The following NCOR2 variants were observed in gnomAD, a reference collection of about 807,000 sequenced individuals.
NCOR2 encodes the protein CTG repeat protein 26.
In NCOR2, 81 loss-of-function variants were observed where a neutral mutation model predicts 262.9. The ratio of observed to expected loss-of-function variants is 0.31; its 90% CI spans 0.26 to 0.37. The LOEUF (loss-of-function observed/expected upper bound fraction) is 0.37, where lower values mean the gene tolerates loss of function less well. Among genes scored for constraint, NCOR2 ranks in the 10% least tolerant of loss-of-function variants. The pLI is 1.00. For missense variants in NCOR2, 3,385 were observed against 3,621.4 expected, an observed-to-expected ratio of 0.93 and a Z score of 1.68; for synonymous variants, 1,659 against 1,559.3, an observed-to-expected ratio of 1.06 and a Z score of -1.51.
intron 1 of NCOR2, among the ~76,000 whole-genome samples, chr12:124,557,251 C>T (rs1166816075): frequency 2.6e-5 from 4 of 152,242 alleles, no homozygotes; most frequent in African/African-American, 9.6e-5. Flanking sequence ...GTAAACAAAG[C>T]TCCACACGCC....
chr12:124,398,067 A>G, intron 16 of NCOR2, 52 bp downstream of exon 18: 1 of 1,604,696 alleles, frequency 6.2e-7, no homozygotes, highest in Non-Finnish European at 8.5e-7. Flanking sequence ...CGTGAGCTTC[A>G]GGCGCCCTGG....
chr12:124,339,876 T>C, intron 37 of NCOR2, 130 bp downstream of exon 39: 1 of 1,108,426 alleles, frequency 9.0e-7, no homozygotes, highest in South Asian at 1.5e-5. Context: ...AGTCTATTCT[T>C]CTACCCCCAC....
intron 1 of NCOR2, among the ~76,000 whole-genome samples, chr12:124,544,891 C>T (rs568740371): frequency 1.3e-5 from 2 of 152,242 alleles, no homozygotes; most frequent in South Asian, 4.2e-4. Flanking sequence ...AGTTTCCTCT[C>T]GGTGAAACGG....
intron 1 of NCOR2, among the ~76,000 whole-genome samples, chr12:124,555,708 T>G (rs966629464): frequency 2.0e-5 from 3 of 152,082 alleles, no homozygotes; most frequent in Non-Finnish European, 4.4e-5. Context: ...AAAGCTGCAG[T>G]GGGTTTGGAC....
chr12:124,374,402 C>T lies in NCOR2; in HGVS notation c.2218+11G>A. 2 of 1,612,342 alleles carry T rather than the reference C, an allele frequency of 1.2e-6. No individual in the cohort carries two copies. Among genetic ancestry groups the T allele is most frequent in the South Asian group, 2.2e-5 (2 of 90,906 alleles). ...GGCCCTACCCCCCAGGCCAGCCGGC[C>T]ACATTCGTACCTGGGCCACTGCATT... On this transcript the variant is annotated intron_variant, in intron 19 of 46. Transcript: ENST00000405201.
chr12:124,550,516 G>A (rs1268784950), intron 1 of NCOR2, among the ~76,000 whole-genome samples: 1 of 152,166 alleles, frequency 6.6e-6, no homozygotes, highest in African/African-American at 2.4e-5. Flanking sequence ...GGTGAACGGG[G>A]GGGAGGACAG....
At chr12:124,426,740 G>T (rs760978346) in exon 11 of NCOR2, 1 of 1,610,216 alleles carries the variant, frequency 6.2e-7, no homozygotes, top group Non-Finnish European at 8.5e-7. Flanking sequence ...ATGCGCTGCT[G>T]GTCAGCGTCG....
chr12:124,369,254 T>C (rs1043897305), intron 20 of NCOR2, among the ~76,000 whole-genome samples: 1 of 152,168 alleles, frequency 6.6e-6, no homozygotes, highest in African/African-American at 2.4e-5. Flanking sequence ...CCACTATCTC[T>C]GGTCGTCTGC....
chr12:124,329,577 C>T (rs778837990), intron 44 of NCOR2, among the ~76,000 whole-genome samples: 4 of 152,076 alleles, frequency 2.6e-5, no homozygotes, highest in Non-Finnish European at 5.9e-5. Context: ...CCTGTCTCTA[C>T]AAAAAAGATA....
At chr12:124,502,917 T>G (rs1026936389) in intron 1 of NCOR2, among the ~76,000 whole-genome samples, 1 of 152,158 alleles carries the variant, frequency 6.6e-6, no homozygotes, top group Admixed American at 6.5e-5. Context: ...CCTCCACCCA[T>G]GCACAGCGGC....
chr12:124,385,351 A>G (rs983767129), intron 17 of NCOR2, among the ~76,000 whole-genome samples: 5 of 152,202 alleles, frequency 3.3e-5, no homozygotes, highest in East Asian at 3.9e-4. Context: ...CCACTCGCTC[A>G]GGACCCATTT....
chr12:124,325,392 C>CCCCCGGG, exon 47 of NCOR2: 6 of 1,152,266 alleles, frequency 5.2e-6, no homozygotes, highest in Non-Finnish European at 6.7e-6. Context: ...CCCCCCCGCC[C>CCCCCGGG]TGTTCTGAGT....
intron 38 of NCOR2, chr12:124,336,210 G>A (rs1042760241): frequency 9.2e-5 from 15 of 163,390 alleles, no homozygotes; most frequent in African/African-American, 2.7e-4. Flanking sequence ...TCCCTGCCCC[G>A]CCTCAGCTTC....
chr12:124,492,905 C>T (rs2048170029), intron 1 of NCOR2, among the ~76,000 whole-genome samples: 1 of 152,184 alleles, frequency 6.6e-6, no homozygotes, highest in Non-Finnish European at 1.5e-5. Flanking sequence ...TCTGGATGGG[C>T]AGCCCTACCA....
intron 33 of NCOR2, 57 bp from the exon 36 acceptor site, chr12:124,342,131 G>A (rs574939663): frequency 1.9e-5 from 29 of 1,536,824 alleles, no homozygotes; most frequent in South Asian, 1.1e-4. Flanking sequence ...TGATGGTGTC[G>A]CTCCACCTGT....
At position 124,517,529 on chromosome 12, in the gene NCOR2, C is replaced by T. The variant is rs368041652; in HGVS notation, c.-118+18036G>A. Among the ~76,000 whole-genome samples the T allele has an allele frequency of 2.4e-4, 37 of 152,214 alleles. No individual in the cohort carries two copies. The East Asian group carries it at 4.6e-3, about 19-fold the overall frequency. On this transcript the variant is annotated intron_variant, in intron 1 of 46. Transcript: ENST00000404621. This position sits in a 1 kb window ranked among gnomAD's most constrained non-coding sequence, Gnocchi z 7.6. ...GCCACCTCGGTGGGGAGCCGGGCGC[C>T]GGGGCCGGGCTGCAGCGCTGCCTGC...
At chr12:124,480,413 C>A (rs2047387945) in intron 3 of NCOR2, among the ~76,000 whole-genome samples, 1 of 152,336 alleles carries the variant, frequency 6.6e-6, no homozygotes, top group African/African-American at 2.4e-5. Flanking sequence ...GGACTGAAGC[C>A]TCTGGGGACA....
chr12:124,378,692 C>A lies in NCOR2; in HGVS notation c.2020-308G>T, dbSNP rs576710532. Among the ~76,000 whole-genome samples, 11 of 152,198 alleles carry A rather than the reference C, an allele frequency of 7.2e-5. No homozygotes were observed. The highest frequency in any genetic ancestry group is 7.2e-4 in the Admixed American group (11 of 15,288). ...TTGCCCAGGAGTCTCCTAGTCAGAG[C>A]GAGTGACCACGCCTCCTGGGGACAC... is the stretch of plus-strand genomic sequence containing the variant. On this transcript the variant is annotated intron_variant, in intron 17 of 46. Transcript: ENST00000405201. This position sits in a 1 kb window ranked among gnomAD's most constrained non-coding sequence, Gnocchi z 4.2.
chr12:124,487,317 AC>A (rs1422355607), intron 1 of NCOR2, among the ~76,000 whole-genome samples: 2 of 152,004 alleles, frequency 1.3e-5, no homozygotes, highest in Non-Finnish European at 2.9e-5. Flanking sequence ...GAACAAAGCG[AC>A]CCCTGACCCC....
Sources: gnomAD v4.1 joint callset for allele counts (sites outside exome capture counted in the v4.1 genomes callset) on GRCh38, gnomAD v4.1.1 for gene constraint, Gnocchi (gnomAD v3.1) non-coding constraint, MANE v1.5 for transcripts, NCBI Gene and HGNC (gene_info 2026-07-23, HGNC 2026-07-21) for gene names.